Variants in ABHD4 observed in about 807,000 individuals in gnomAD.
ABHD4 encodes (Lyso)-N-acylphosphatidylethanolamine lipase.
In ABHD4, 35 loss-of-function variants were observed where a neutral mutation model predicts 42.3. The observed-to-expected ratio is 0.83, with a 90% CI of 0.63 to 1.10. ABHD4 has a LOEUF of 1.10. Among genes scored for constraint, ABHD4 ranks in the 50% least tolerant of loss-of-function variants. The pLI is 0.00. For missense variants in ABHD4, 389 were observed against 454.8 expected (o/e 0.86, Z 1.32); for synonymous variants, 169 against 170.6 (o/e 0.99, Z 0.07).
intron 4 of ABHD4, chr14:22,605,810 G>A: frequency 1.6e-6 from 2 of 1,289,142 alleles, no homozygotes; most frequent in Non-Finnish European, 2.0e-6. Context: ...GAGAAAGAGA[G>A]AGATCAGGGA....
At chr14:22,601,089 C>G (rs1339614667) in intron 1 of ABHD4, among the ~76,000 whole-genome samples, 2 of 152,296 alleles carry the variant, frequency 1.3e-5, no homozygotes, top group East Asian at 3.9e-4. Context: ...ATCCAGGTCT[C>G]TCACCTCCTC....
intron 4 of ABHD4, chr14:22,605,717 G>C: frequency 1.3e-6 from 1 of 782,852 alleles, no homozygotes; most frequent in Non-Finnish European, 1.9e-6. Flanking sequence ...GGGAGGGCCA[G>C]GCCCATGCAG....
intron 4 of ABHD4, 184 bp downstream of exon 4, chr14:22,604,263 T>G: frequency 1.4e-6 from 1 of 731,554 alleles, no homozygotes; most frequent in Non-Finnish European, 2.1e-6. Flanking sequence ...TTTGTTTTGT[T>G]TTTTTGAGAC....
In ABHD4 at chr14:22,603,740, T is replaced by C. The variant is rs763733068; in HGVS notation, c.463T>C (p.Tyr155His). The change falls in exon 3 of 7, where the codon TAC becomes CAC. Residue 155 changes from tyrosine to histidine, a missense_variant. Transcript: ENST00000428304. ...TTTGGGAGGATTCCTGGCCACTTCTTACTCAATCAAGTACCCTGATAGGTA... is the reference window on the plus strand; with the variant it reads ...TTTGGGAGGATTCCTGGCCACTTCTCACTCAATCAAGTACCCTGATAGGTA... ...HSLGGFLATS[Y>H]SIKYPDRVKH... 3.2e-6 allele frequency: 5 copies of C among 1,586,968 alleles called. No homozygotes were observed. The highest frequency in any genetic ancestry group is 3.4e-5 in the Admixed American group (2 of 58,194).
chr14:22,603,755 C>G lies in ABHD4; in HGVS notation c.478C>G (p.Pro160Ala), dbSNP rs1319628333. 3 of 1,577,118 alleles carry G rather than the reference C, an allele frequency of 1.9e-6. No homozygotes were observed. The highest frequency in any genetic ancestry group is 4.5e-5 in the East Asian group (2 of 44,572). ...GGCCACTTCTTACTCAATCAAGTAC[C>G]CTGATAGGTAATAAGGAGATGGCTC... is the stretch of plus-strand genomic sequence containing the variant. The part of the protein sequence containing the change: ...FLATSYSIKY[P>A]DRVKHLILVD... The change falls in exon 3 of 7, where the codon CCT (proline) becomes GCT (alanine). Residue 160 changes from proline to alanine, a missense_variant. This residue lies in a region of ABHD4 where 249 missense variants were observed against 254.4 expected (regional missense o/e 0.98). Transcript: ENST00000428304.
intron 5 of ABHD4, among the ~76,000 whole-genome samples, chr14:22,607,017 G>A (rs1487341661): frequency 6.6e-6 from 1 of 151,904 alleles, no homozygotes; most frequent in Non-Finnish European, 1.5e-5. Flanking sequence ...TTCTTCAGAG[G>A]GCCTCCATGT....
chr14:22,604,329 C>A, intron 4 of ABHD4: 1 of 353,116 alleles, frequency 2.8e-6, no homozygotes, highest in Non-Finnish European at 5.3e-6. Flanking sequence ...CGGCTCACTG[C>A]AAGCTCCGCC....
Position 22,610,825 on chromosome 14 carries a change from G to C in ABHD4, c.940-34G>C, listed in dbSNP as rs537684923. 6.4e-6 allele frequency: 10 copies of C among 1,573,842 alleles called. No individual in the cohort carries two copies. In the East Asian group the frequency reaches 1.6e-4, roughly 25 times the overall value. Reference sequence around the variant, plus strand: ...AGGCTTCCCAGCACCAGGAATAAAAGGCCATCCCACCCCTGCGGGTTCTCT... The same window carrying C: ...AGGCTTCCCAGCACCAGGAATAAAACGCCATCCCACCCCTGCGGGTTCTCT... On this transcript the variant is annotated intron_variant, in intron 6 of 6. Coordinates refer to ENST00000428304, the MANE Select transcript of ABHD4 (RefSeq NM_022060.3).
At chr14:22,606,304 C>A in intron 4 of ABHD4, 118 bp from the exon 5 acceptor site, 1 of 706,954 alleles carries the variant, frequency 1.4e-6, no homozygotes, top group Non-Finnish European at 2.5e-6. Context: ...ATGAATAAAG[C>A]AAACAAACCC....
chr14:22,606,643 T>C (rs1483499164), intron 5 of ABHD4, 110 bp downstream of exon 5: 1 of 743,790 alleles, frequency 1.3e-6, no homozygotes, highest in Admixed American at 2.3e-5. Context: ...TCTGACTCAG[T>C]TAGGTAAACA....
At position 22,603,611 on chromosome 14, in the gene ABHD4, G is replaced by C; in HGVS notation, c.334G>C (p.Ala112Pro). Residue 112 changes from alanine to proline, a missense_variant, in exon 3 of 7, where the codon GCA becomes CCA. Physicochemically the swap from Ala to Pro is conservative, Grantham distance 27 (BLOSUM62 -1). This residue lies in a region of ABHD4 where 38 missense variants were observed against 72.1 expected (regional missense o/e 0.53). Coordinates refer to ENST00000428304, the MANE Select transcript of ABHD4 (RefSeq NM_022060.3). ...TGGCTTCGGGCGAAGCTCAAGGCCA[G>C]CATTCCCAAGGGACCCGGAGGGGGC... ...LLGFGRSSRP[A>P]FPRDPEGAED... is the part of the protein sequence containing the mutation. 1 of 1,614,224 alleles carries C rather than the reference G, an allele frequency of 6.2e-7. No individual in the cohort carries two copies. The highest frequency in any genetic ancestry group is 8.5e-7 in the Non-Finnish European group (1 of 1,180,044).
Position 22,610,913 on chromosome 14 carries a change from G to A in ABHD4, c.994G>A (p.Ala332Thr). 1 of 1,614,132 alleles carries A rather than the reference G, an allele frequency of 6.2e-7. No individual in the cohort carries two copies. Among genetic ancestry groups the A allele is most frequent in the African/African-American group, 1.3e-5 (1 of 75,044 alleles). Residue 332 changes from alanine (A) to threonine (T), a missense_variant, in exon 7 of 7, where the codon GCT becomes ACT. Coordinates refer to ENST00000428304, the MANE Select transcript of ABHD4 (RefSeq NM_022060.3). ...TGCTGACCAGCCACACATCTTCAAT[G>A]CTGTGGTGGAGGAGATCTGCGACTC... Reference protein sequence around the residue: ...VYADQPHIFNAVVEEICDSVD With the variant: ...VYADQPHIFNTVVEEICDSVD
At chr14:22,599,068 C>A (rs541120763) in intron 1 of ABHD4, 8 of 152,326 alleles carry the variant, frequency 5.3e-5, no homozygotes, top group African/African-American at 1.9e-4. Flanking sequence ...CAGCTCCCAG[C>A]CGAGCCTTGG....
Position 22,603,213 on chromosome 14 carries a change from A to G in ABHD4, c.113-177A>G, listed in dbSNP as rs1055844185. ...GAAGAGGGCTCAGAAGGGCTTGCCT[A>G]AAGTTTGGTTAAGGAGAGAGTTGTT... is the stretch of plus-strand genomic sequence containing the variant. On this transcript the variant is annotated intron_variant, in intron 2 of 6. Coordinates refer to ENST00000428304, the MANE Select transcript of ABHD4 (RefSeq NM_022060.3). Among the ~76,000 whole-genome samples, 4 of 152,214 alleles carry G rather than the reference A, an allele frequency of 2.6e-5. No homozygotes were observed. In the South Asian group the frequency reaches 6.2e-4, roughly 24 times the overall value.
chr14:22,601,260 A>G (rs1334421072), intron 1 of ABHD4, among the ~76,000 whole-genome samples: 1 of 152,210 alleles, frequency 6.6e-6, no homozygotes, highest in East Asian at 1.9e-4. Context: ...AATTTGTCCT[A>G]CTGTTAAGGA....
Position 22,603,475 on chromosome 14 carries a change from C to T in ABHD4, c.198C>T (p.Asn66=), listed in dbSNP as rs546341661. The change falls in exon 3 of 7, where the codon AAC becomes AAT. Residue 66 remains asparagine (N), a synonymous_variant. Coordinates refer to ENST00000428304, the MANE Select transcript of ABHD4 (RefSeq NM_022060.3). ...CGGTGACTGTGAGCCCCGAGCAAAA[C>T]GACCGCACCCCCTTGGTGATGGTGC... ...IWTVTVSPEQ[N]DRTPLVMVHG... is the part of the protein sequence containing the mutation. The T allele has an allele frequency of 2.1e-5, 34 of 1,614,184 alleles. No homozygotes were observed. The highest frequency in any genetic ancestry group is 6.7e-5 in the Admixed American group (4 of 60,026).
chr14:22,599,368 C>T (rs1160032038), intron 1 of ABHD4, among the ~76,000 whole-genome samples: 1 of 152,100 alleles, frequency 6.6e-6, no homozygotes, highest in Admixed American at 6.5e-5. Context: ...GAGACTTGCC[C>T]AAGATCACAG....
intron 1 of ABHD4, 66 bp downstream of exon 1, chr14:22,598,395 T>A: frequency 6.4e-7 from 1 of 1,550,544 alleles, no homozygotes; most frequent in Non-Finnish European, 8.7e-7. Flanking sequence ...TGGGACTGTC[T>A]GTGGCTGAGG....
Position 22,609,763 on chromosome 14 carries a change from C to T in ABHD4, c.792C>T (p.Gly264=), listed in dbSNP as rs1326864501. 1 of 1,614,084 alleles carries T rather than the reference C, an allele frequency of 6.2e-7. No individual in the cohort carries two copies. The change falls in exon 6 of 7, where the codon GGC becomes GGT. Residue 264 remains glycine, a synonymous_variant. Transcript: ENST00000428304. ...TCAAAGCCATGATGGAGTCCTTTGG[C>T]TGGGCCCGGCGCCCTATGCTGGAGC... is the stretch of plus-strand genomic sequence containing the variant. ...TAFKAMMESF[G]WARRPMLERI...
Sources: gnomAD v4.1 joint callset for allele counts (sites outside exome capture counted in the v4.1 genomes callset) on GRCh38, gnomAD v4.1.1 for gene constraint, gnomAD v4.1.1 regional missense constraint, MANE v1.5 for transcripts, NCBI Gene and HGNC (gene_info 2026-07-23, HGNC 2026-07-21) for gene names.